GRID1: variants seen among roughly 807,000 people sequenced by gnomAD.
GRID1 encodes glutamate receptor ionotropic, delta-1.
GRID1 carries 28 observed loss-of-function variants against 98.0 expected under a neutral mutation model. The observed-to-expected ratio is 0.29, with a 90% CI of 0.21 to 0.39. The LOEUF is 0.39. Ranked by LOEUF, GRID1 falls within the 10% of genes least tolerant of loss-of-function variation. The probability of loss-of-function intolerance (pLI) is 1.00; values close to 1 mark genes in which losing one functional copy is unlikely to be tolerated. For synonymous variants in GRID1, 553 were observed against 538.5 expected, an observed-to-expected ratio of 1.03 and a Z score of -0.37; for missense variants, 1,111 against 1,340.5, an observed-to-expected ratio of 0.83 and a Z score of 2.67.
intron 8 of GRID1, among the ~76,000 whole-genome samples, chr10:85,793,628 T>C (rs1756137144): frequency 1.3e-5 from 2 of 152,188 alleles, no homozygotes; most frequent in Admixed American, 1.3e-4. Flanking sequence ...ATTTGGCATC[T>C]CTGCTACGCT....
intron 4 of GRID1, among the ~76,000 whole-genome samples, chr10:85,939,750 A>G (rs1448643794): frequency 6.6e-6 from 1 of 152,118 alleles, no homozygotes; most frequent in Non-Finnish European, 1.5e-5. Context: ...GTAACATAAC[A>G]TATTCATTGG....
chr10:85,776,014 G>GAA (rs901223256), intron 8 of GRID1, among the ~76,000 whole-genome samples: 1 of 147,732 alleles, frequency 6.8e-6, no homozygotes, highest in Non-Finnish European at 1.5e-5. Context: ...ACTGAGATCA[G>GAA]AAAAAAAAAA....
intron 8 of GRID1, among the ~76,000 whole-genome samples, chr10:85,824,466 C>T (rs1409297223): frequency 6.6e-6 from 1 of 152,218 alleles, no homozygotes; most frequent in South Asian, 2.1e-4. Flanking sequence ...CCCGCCTTGG[C>T]CTCCCAAGGT....
intron 12 of GRID1, among the ~76,000 whole-genome samples, chr10:85,688,295 C>G (rs777768614): frequency 2.6e-5 from 4 of 152,190 alleles, no homozygotes; most frequent in Non-Finnish European, 5.9e-5. Context: ...TCACAACAGA[C>G]TTTCTCTTGG....
At chr10:85,799,583 C>A (rs901896404) in intron 8 of GRID1, among the ~76,000 whole-genome samples, 2 of 151,934 alleles carry the variant, frequency 1.3e-5, no homozygotes, top group Admixed American at 1.3e-4. Context: ...AATGGATGAA[C>A]CTAGAGGACA....
intron 13 of GRID1, among the ~76,000 whole-genome samples, chr10:85,639,147 C>T (rs1843083930): frequency 1.3e-5 from 2 of 152,068 alleles, no homozygotes; most frequent in South Asian, 4.1e-4. Flanking sequence ...TTTATGGTAG[C>T]CCTGAATTGG....
rs114642942 is a variant in GRID1 at position 86,203,088 on chromosome 10, G to C, written c.520+3276C>G. Among the ~76,000 whole-genome samples the C allele has an allele frequency of 2.7e-3, 413 of 152,338 alleles. 2 individuals carry two copies. The highest frequency in any genetic ancestry group is 9.2e-3 in the African/African-American group (381 of 41,572). On this transcript the variant is annotated intron_variant, in intron 3 of 15. Coordinates refer to ENST00000327946, the MANE Select transcript of GRID1 (RefSeq NM_017551.3). ...AAAATGTAGCAATAATCTGACCTCA[G>C]AGGGATGTTGGGTGGCTAGAATGAA... is the stretch of plus-strand genomic sequence containing the variant.
chr10:86,009,856 CAT>C (rs1324346906), intron 4 of GRID1, among the ~76,000 whole-genome samples: 1 of 152,202 alleles, frequency 6.6e-6, no homozygotes. Context: ...AAAGATGGGT[CAT>C]AGTCATTAGC....
At chr10:85,723,203 A>T in intron 11 of GRID1, 62 bp from the exon 12 acceptor site, 3 of 1,519,566 alleles carry the variant, frequency 2.0e-6, no homozygotes, top group Non-Finnish European at 2.7e-6. Flanking sequence ...ATCCCCAGGG[A>T]GGTGTTCTGC....
intron 3 of GRID1, among the ~76,000 whole-genome samples, chr10:86,159,841 C>A (rs940941974): frequency 1.3e-5 from 2 of 152,310 alleles, no homozygotes; most frequent in Admixed American, 6.5e-5. Context: ...ACAAAGCCAA[C>A]CTCAGAGGAT....
intron 2 of GRID1, among the ~76,000 whole-genome samples, chr10:86,306,486 A>G (rs780450593): frequency 3.3e-5 from 5 of 152,238 alleles, no homozygotes; most frequent in Non-Finnish European, 5.9e-5. Context: ...GACAGGGGAA[A>G]CTATCTAGAA....
intron 13 of GRID1, among the ~76,000 whole-genome samples, chr10:85,621,026 T>C (rs1189191047): frequency 2.6e-5 from 4 of 152,166 alleles, no homozygotes; most frequent in Non-Finnish European, 5.9e-5. Flanking sequence ...CAGCAGAGGT[T>C]CTCTTCTATC....
At chr10:86,268,292 G>A (rs192981964) in intron 2 of GRID1, among the ~76,000 whole-genome samples, 7 of 152,314 alleles carry the variant, frequency 4.6e-5, no homozygotes, top group East Asian at 1.9e-4. Context: ...ATTTCTTCCC[G>A]GCAGATGTTT....
chr10:85,746,736 G>T (rs1262559047), intron 8 of GRID1, among the ~76,000 whole-genome samples: 1 of 152,066 alleles, frequency 6.6e-6, no homozygotes, highest in African/African-American at 2.4e-5. Flanking sequence ...ACCCTCCTGA[G>T]TACAGCTAAG....
intron 4 of GRID1, among the ~76,000 whole-genome samples, chr10:85,960,613 G>T (rs1272243326): frequency 1.3e-5 from 2 of 152,216 alleles, no homozygotes; most frequent in African/African-American, 4.8e-5. Flanking sequence ...AGGCTCAAGG[G>T]CCGGACCTCG....
At chr10:86,017,480 C>A (rs113754761) in intron 4 of GRID1, among the ~76,000 whole-genome samples, 7 of 152,186 alleles carry the variant, frequency 4.6e-5, no homozygotes, top group African/African-American at 1.7e-4. Flanking sequence ...GACAGAACTA[C>A]GCACCAGGCT....
chr10:85,958,556 G>T (rs980341344), intron 4 of GRID1, among the ~76,000 whole-genome samples: 1 of 152,158 alleles, frequency 6.6e-6, no homozygotes, highest in African/African-American at 2.4e-5. Flanking sequence ...GTCTGTGAGG[G>T]TGTTTCTGGA....
chr10:86,341,400 C>T (rs949978309), intron 2 of GRID1, among the ~76,000 whole-genome samples: 20 of 152,164 alleles, frequency 1.3e-4, no homozygotes, highest in Admixed American at 9.2e-4. Context: ...TGGGTACTTA[C>T]GCGGGTGCCC....
chr10:85,933,226 G>C (rs2051007), intron 4 of GRID1, among the ~76,000 whole-genome samples: 4,564 of 142,060 alleles, frequency 0.032, 95 homozygotes, highest in Middle Eastern at 0.065. Context: ...CAATGATGCA[G>C]ACTCCTCAAC....
Sources: allele counts gnomAD v4.1 joint callset (sites outside exome capture counted in the v4.1 genomes callset), GRCh38; gene constraint gnomAD v4.1.1; transcripts MANE v1.5; gene names NCBI Gene and HGNC (gene_info 2026-07-23, HGNC 2026-07-21).